The following KAT14 variants were observed in gnomAD, a reference collection of about 807,000 sequenced individuals.
KAT14 encodes lysine acetyltransferase 14.
In KAT14, 66 loss-of-function variants were observed where a neutral mutation model predicts 78.4. That is an observed-to-expected ratio of 0.84 (90% CI 0.69 to 1.03). KAT14 has a LOEUF of 1.03. Ranked by LOEUF, KAT14 falls within the 50% of genes least tolerant of loss-of-function variation. KAT14 has a pLI of 0.00. For synonymous variants in KAT14, 344 were observed against 359.4 expected (o/e 0.96, Z 0.48); for missense variants, 870 against 972.5 (o/e 0.89, Z 1.40).
chr20:18,180,587 G>A (rs1256897788), intron 7 of KAT14, among the ~76,000 whole-genome samples: 1 of 152,126 alleles, frequency 6.6e-6, no homozygotes, highest in Non-Finnish European at 1.5e-5. Flanking sequence ...CTGTCTTCAT[G>A]CTGCTGATAA....
At chr20:18,139,786 A>G (rs2037458848) in intron 1 of KAT14, among the ~76,000 whole-genome samples, 1 of 152,142 alleles carries the variant, frequency 6.6e-6, no homozygotes, top group Admixed American at 6.6e-5. Context: ...CGGAAGGTTC[A>G]AGGAAGCAAG....
In KAT14 at chr20:18,174,720, G is replaced by A. The variant is rs1347034168; in HGVS notation, c.1669-6990G>A. Reference sequence around the variant, plus strand: ...CTGTTGTCGCCCAGGCTGGAGTATAGTGATGCGATCTCGGCTCACTGCAAC... The same window carrying A: ...CTGTTGTCGCCCAGGCTGGAGTATAATGATGCGATCTCGGCTCACTGCAAC... On this transcript the variant is annotated intron_variant, in intron 7 of 10. Coordinates refer to ENST00000688188, the MANE Select transcript of KAT14 (RefSeq NM_001392073.1). Among the ~76,000 whole-genome samples, 5 of 149,534 alleles carry A rather than the reference G, an allele frequency of 3.3e-5. No individual in the cohort carries two copies. In the Admixed American group the frequency reaches 3.4e-4, roughly 10 times the overall value.
At chr20:18,143,028 T>A in intron 2 of KAT14, 109 bp downstream of exon 2, 1 of 1,461,342 alleles carries the variant, frequency 6.8e-7, no homozygotes, top group South Asian at 1.5e-5. Context: ...AAAGGATAAT[T>A]ATATTTATTC....
chr20:18,176,496 C>T (rs79520676), intron 7 of KAT14, among the ~76,000 whole-genome samples: 6,376 of 152,068 alleles, frequency 0.042, 415 homozygotes, highest in African/African-American at 0.14. Flanking sequence ...GCAGAGTGAA[C>T]GTGGGGAGGA....
At chr20:18,172,170 C>T (rs1002001775) in intron 7 of KAT14, among the ~76,000 whole-genome samples, 8 of 147,950 alleles carry the variant, frequency 5.4e-5, no homozygotes, top group East Asian at 2.1e-4. Flanking sequence ...GGTGCGATCT[C>T]GGCTTACTGC....
chr20:18,156,094 A>G lies in KAT14; in HGVS notation c.501-2990A>G, dbSNP rs577415589. ...CATTCTGGCACATGCTGCAGTGTAGATGAACCTTGAGGACATTATGCTGTG... is the reference window on the plus strand; with the variant it reads ...CATTCTGGCACATGCTGCAGTGTAGGTGAACCTTGAGGACATTATGCTGTG... On this transcript the variant is annotated intron_variant, in intron 4 of 10. Coordinates refer to ENST00000688188, the MANE Select transcript of KAT14 (RefSeq NM_001392073.1). Among the ~76,000 whole-genome samples the G allele has an allele frequency of 6.6e-5, 10 of 152,336 alleles. 1 individual carries two copies. Among genetic ancestry groups the G allele is most frequent in the South Asian group, 4.1e-4 (2 of 4,826 alleles).
In KAT14 at chr20:18,161,894, G is replaced by C. The variant is rs769651729; in HGVS notation, c.754G>C (p.Glu252Gln). 6 of 1,614,056 alleles carry C rather than the reference G, an allele frequency of 3.7e-6. No individual in the cohort carries two copies. In the Admixed American group the frequency reaches 6.7e-5, roughly 18 times the overall value. Residue 252 changes from glutamate (E) to glutamine (Q), a missense_variant, in exon 6 of 11, where the codon GAA becomes CAA. Physicochemically the swap from Glu to Gln is conservative, Grantham distance 29 (BLOSUM62 2). Coordinates refer to ENST00000688188, the MANE Select transcript of KAT14 (RefSeq NM_001392073.1). The stretch of plus-strand genomic sequence containing the variant: ...AAAACGAGCAAGTCGGAATCCTGTG[G>C]AATCTGCCATGGAATTAAAAGAGAA... Reference protein sequence around the residue: ...LRKRASRNPVESAMELKEKRS... With the variant: ...LRKRASRNPVQSAMELKEKRS...
intron 10 of KAT14, among the ~76,000 whole-genome samples, chr20:18,186,374 C>G (rs1600244814): frequency 6.6e-6 from 1 of 152,192 alleles, no homozygotes; most frequent in Non-Finnish European, 1.5e-5. Flanking sequence ...TAAAAACTCA[C>G]AAAGTGCTCT....
intron 7 of KAT14, among the ~76,000 whole-genome samples, chr20:18,163,518 G>A (rs2038523194): frequency 6.6e-6 from 1 of 152,236 alleles, no homozygotes; most frequent in Non-Finnish European, 1.5e-5. Flanking sequence ...ATCTTTGCTA[G>A]CACTTGACAC....
At chr20:18,145,114 G>T in intron 2 of KAT14, 119 bp from the exon 3 acceptor site, 2 of 1,431,748 alleles carry the variant, frequency 1.4e-6, no homozygotes, top group Non-Finnish European at 1.8e-6. Context: ...GCAATTGTGG[G>T]TTGGCTGAAG....
At chr20:18,140,052 A>G (rs561790864) in intron 1 of KAT14, among the ~76,000 whole-genome samples, 1 of 152,254 alleles carries the variant, frequency 6.6e-6, no homozygotes, top group African/African-American at 2.4e-5. Flanking sequence ...AGACCTTGAA[A>G]CCTAGAGGAA....
intron 9 of KAT14, among the ~76,000 whole-genome samples, chr20:18,184,354 C>T (rs1422836578): frequency 1.3e-5 from 2 of 152,104 alleles, no homozygotes; most frequent in African/African-American, 2.4e-5. Context: ...AATTCTGAAC[C>T]CGTGCACTGC....
At chr20:18,181,617 C>T (rs2039255386) in intron 7 of KAT14, 93 bp from the exon 8 acceptor site, 1 of 1,564,086 alleles carries the variant, frequency 6.4e-7, no homozygotes, top group Non-Finnish European at 8.7e-7. Context: ...GATCCGCCTA[C>T]CTCAGCTTCC....
intron 4 of KAT14, among the ~76,000 whole-genome samples, chr20:18,153,608 T>C (rs1198052000): frequency 1.3e-5 from 2 of 152,236 alleles, no homozygotes; most frequent in Admixed American, 1.3e-4. Flanking sequence ...GCTTCATTTG[T>C]TCATTTCTAG....
intron 7 of KAT14, among the ~76,000 whole-genome samples, chr20:18,170,468 A>G (rs1235246223): frequency 1.3e-5 from 2 of 152,238 alleles, no homozygotes; most frequent in East Asian, 3.8e-4. Context: ...GGATGACAGC[A>G]TATCTGTTTA....
intron 10 of KAT14, among the ~76,000 whole-genome samples, chr20:18,186,520 G>T (rs904528532): frequency 3.3e-5 from 5 of 152,140 alleles, no homozygotes; most frequent in Non-Finnish European, 7.4e-5. Flanking sequence ...AGAACCATGG[G>T]TTATAAATCT....
In KAT14 at chr20:18,176,426, C is replaced by T. The variant is rs149544023; in HGVS notation, c.1669-5284C>T. On this transcript the variant is annotated intron_variant, in intron 7 of 10. Transcript: ENST00000688188. The stretch of plus-strand genomic sequence containing the variant: ...AGCAGGGAGCTGACATTAACTAGCT[C>T]ACCAGGCAAATAAGATTACATCATG... 1.6e-3 allele frequency among the ~76,000 whole-genome samples: 250 copies of T among 152,280 alleles called. 4 individuals are homozygous for T. The highest frequency in any genetic ancestry group is 2.1e-3 in the Non-Finnish European group (141 of 68,028).
intron 4 of KAT14, among the ~76,000 whole-genome samples, chr20:18,153,521 T>C (rs1267042107): frequency 6.6e-6 from 1 of 152,216 alleles, no homozygotes; most frequent in Non-Finnish European, 1.5e-5. Context: ...ATTTAGTGGG[T>C]TATCTCCTGG....
At chr20:18,156,263 G>A (rs547909255) in intron 4 of KAT14, among the ~76,000 whole-genome samples, 3 of 152,248 alleles carry the variant, frequency 2.0e-5, no homozygotes, top group Admixed American at 6.5e-5. Context: ...GTTGTTTAAC[G>A]GATATAGAGT....
Sources: gnomAD v4.1 joint callset for allele counts (sites outside exome capture counted in the v4.1 genomes callset) on GRCh38, gnomAD v4.1.1 for gene constraint, MANE v1.5 for transcripts, NCBI Gene and HGNC (gene_info 2026-07-23, HGNC 2026-07-21) for gene names.